The following ELK4 variants were observed in gnomAD, a reference collection of about 807,000 sequenced individuals.
ELK4 encodes ETS transcription factor ELK4.
A neutral mutation model predicts 29.6 loss-of-function variants in ELK4; 16 were observed. The ratio of observed to expected loss-of-function variants is 0.54; its 90% CI spans 0.37 to 0.82. The LOEUF (loss-of-function observed/expected upper bound fraction) is 0.82, where lower values mean the gene tolerates loss of function less well. ELK4 is among the 40% of genes least tolerant of loss of function. ELK4 has a pLI of 0.00. For synonymous variants in ELK4, 213 were observed against 191.1 expected (o/e 1.11, Z -0.95); for missense variants, 465 against 507.1 (o/e 0.92, Z 0.80).
intron 2 of ELK4, 62 bp from the exon 3 acceptor site, chr1:205,620,900 GA>G: frequency 1.3e-6 from 2 of 1,491,826 alleles, no homozygotes; most frequent in Non-Finnish European, 1.8e-6. Context: ...CATAGTTCAT[GA>G]AAAAGCTGGC....
chr1:205,630,595 T>C (rs1409641177), intron 1 of ELK4, among the ~76,000 whole-genome samples: 1 of 152,228 alleles, frequency 6.6e-6, no homozygotes, highest in Non-Finnish European at 1.5e-5. Context: ...CGTTTTTAAC[T>C]ACACAGGCTC....
chr1:205,626,585 T>G (rs1670468665), intron 1 of ELK4, among the ~76,000 whole-genome samples: 1 of 151,920 alleles, frequency 6.6e-6, no homozygotes, highest in Non-Finnish European at 1.5e-5. Context: ...AAAAAAATGC[T>G]CTACATAATT....
intron 1 of ELK4, 87 bp from the exon 2 acceptor site, chr1:205,623,978 A>G (rs1322310025): frequency 1.7e-6 from 2 of 1,207,728 alleles, no homozygotes; most frequent in African/African-American, 3.0e-5. Flanking sequence ...TAAGTGCTCT[A>G]AATGTATTAA....
chr1:205,610,956 A>G lies in ELK4; in HGVS notation c.*5590T>C, dbSNP rs531930812. On this transcript the variant is annotated 3_prime_UTR_variant, in exon 5 of 5. Coordinates refer to ENST00000357992, the MANE Select transcript of ELK4 (RefSeq NM_001973.4). ...TGATGTGGACTATACTCAAATGATTAGCACTCAAGAGATTAACTATGTTTG... is the reference window on the plus strand; with the variant it reads ...TGATGTGGACTATACTCAAATGATTGGCACTCAAGAGATTAACTATGTTTG... 1 of 226,052 alleles carries G rather than the reference A, an allele frequency of 4.4e-6. No homozygotes were observed. The highest frequency in any genetic ancestry group is 1.8e-4 in the South Asian group (1 of 5,466). 14.0% of individuals were successfully genotyped at this position (226,052 alleles called of 1,614,324 possible).
intron 3 of ELK4, chr1:205,619,552 T>C: frequency 2.6e-6 from 3 of 1,144,948 alleles, no homozygotes; most frequent in Non-Finnish European, 3.2e-6. Context: ...ATAGCTAAAG[T>C]AACTGTACCA....
At position 205,618,954 on chromosome 1, in the gene ELK4, T is replaced by C; in HGVS notation, c.1197+3A>G. 2 of 1,597,958 alleles carry C rather than the reference T, an allele frequency of 1.3e-6. No individual in the cohort carries two copies. Among genetic ancestry groups the C allele is most frequent in the Non-Finnish European group, 1.7e-6 (2 of 1,170,468 alleles). ...TACAGAAGACAGATATTTATAAAATTACCTGGAAAAGTGTGTTAGCACCTT... is the reference window on the plus strand; with the variant it reads ...TACAGAAGACAGATATTTATAAAATCACCTGGAAAAGTGTGTTAGCACCTT... On this transcript the variant is annotated splice_donor_region_variant and intron_variant, in intron 4 of 4. Transcript: ENST00000357992.
In ELK4 at chr1:205,631,162, AAG is replaced by A. The variant is rs1670576401; in HGVS notation, c.-10+468_-10+469del. ...GGGGGCCGCTGGAGCGAAAGAGAAA[AAG>A]AAATGAAACTCGACACCGGATGACT... On this transcript the variant is annotated intron_variant, in intron 1 of 4. Coordinates refer to ENST00000357992, the MANE Select transcript of ELK4 (RefSeq NM_001973.4). 3.3e-5 allele frequency among the ~76,000 whole-genome samples: 5 copies of A among 152,270 alleles called. No homozygotes were observed. The South Asian group carries it at 1.0e-3, about 32-fold the overall frequency.
chr1:205,629,578 G>A (rs1036836129), intron 1 of ELK4, among the ~76,000 whole-genome samples: 2 of 152,064 alleles, frequency 1.3e-5, no homozygotes. Flanking sequence ...TTACCTGGGC[G>A]TGGTGGTGGG....
rs1239971872 is a variant in ELK4, at chr1:205,631,848, T to TCCCCGCCCC, written c.-235_-227dup. On this transcript the variant is annotated 5_prime_UTR_variant, in exon 1 of 5. Coordinates refer to ENST00000357992, the MANE Select transcript of ELK4 (RefSeq NM_001973.4). ...CGCCGCGGCTCCTGGCGCCCCGCCC[T>TCCCCGCCCC]CCCCGCCCCCGCACGCGGCAGCGGC... 1.4e-5 allele frequency: 2 copies of TCCCCGCCCC among 146,378 alleles called. No homozygotes were observed. The highest frequency in any genetic ancestry group is 3.0e-5 in the Non-Finnish European group (2 of 66,338). 9.1% of individuals were successfully genotyped at this position (146,378 alleles called of 1,614,324 possible).
chr1:205,616,827 T>C (rs373299694), intron 4 of ELK4, among the ~76,000 whole-genome samples, 183 bp from the exon 5 acceptor site: 45 of 152,356 alleles, frequency 3.0e-4, no homozygotes, highest in African/African-American at 1.1e-3. Context: ...AAAAATCTTT[T>C]GTCCTAACAT....
Position 205,616,455 on chromosome 1 carries a change from T to C in ELK4, c.*91A>G, listed in dbSNP as rs1010360579. ...AAATCACAATAGTCTATTATCAGCA[T>C]TGTAGAACTATCAATTGCTCACTTC... On this transcript the variant is annotated 3_prime_UTR_variant, in exon 5 of 5. Coordinates refer to ENST00000357992, the MANE Select transcript of ELK4 (RefSeq NM_001973.4). 8.6e-7 allele frequency: 1 copy of C among 1,156,972 alleles called. No individual in the cohort carries two copies. The highest frequency in any genetic ancestry group is 1.3e-5 in the South Asian group (1 of 76,266). 71.7% of individuals were successfully genotyped at this position (1,156,972 alleles called of 1,614,324 possible).
At chr1:205,629,984 GAC>G (rs1044270969) in intron 1 of ELK4, among the ~76,000 whole-genome samples, 39 of 151,786 alleles carry the variant, frequency 2.6e-4, no homozygotes, top group African/African-American at 9.5e-4. Flanking sequence ...GCAGTGAGCA[GAC>G]ACCACATCAC....
intron 2 of ELK4, 122 bp from the exon 3 acceptor site, chr1:205,620,960 G>C: frequency 9.1e-7 from 1 of 1,095,334 alleles, no homozygotes; most frequent in South Asian, 1.7e-5. Flanking sequence ...ACTTTGGAAG[G>C]CCGAGGAGGG....
In ELK4 at chr1:205,620,234, G is replaced by T. The variant is rs1471586681; in HGVS notation, c.812C>A (p.Pro271Gln). The change falls in exon 3 of 5, where the codon CCA becomes CAA. Residue 271 changes from proline (P) to glutamine (Q), a missense_variant. Around this residue, in one of 2 missense-constraint regions of ELK4, gnomAD observed 385 missense variants for 387.5 expected, o/e 0.99. Transcript: ENST00000357992. The stretch of plus-strand genomic sequence containing the variant: ...GTCGATGTCTGGGTGAGAACTCAGT[G>T]GTGGTGAAGGTGTTCTGGGAGGTTC... Reference protein sequence around the residue: ...LQEPPRTPSPPLSSHPDIDTD... With the variant: ...LQEPPRTPSPQLSSHPDIDTD... The T allele has an allele frequency of 1.2e-6, 2 of 1,614,230 alleles. No homozygotes were observed. Among genetic ancestry groups the T allele is most frequent in the East Asian group, 4.5e-5 (2 of 44,888 alleles).
At position 205,628,763 on chromosome 1, in the gene ELK4, A is replaced by G. The variant is rs535326635; in HGVS notation, c.-10+2869T>C. The stretch of plus-strand genomic sequence containing the variant: ...TCAGTGGAGCAGCATGTATTTAGTC[A>G]AACACTGGTGAGCTGTTGGCTGCTT... On this transcript the variant is annotated intron_variant, in intron 1 of 4. Transcript: ENST00000357992. 2.0e-5 allele frequency among the ~76,000 whole-genome samples: 3 copies of G among 152,308 alleles called. No homozygotes were observed. The East Asian group carries it at 5.8e-4, about 29-fold the overall frequency.
chr1:205,625,489 T>C (rs12048882), intron 1 of ELK4: 84,479 of 697,182 alleles, frequency 0.12, 6,688 homozygotes, highest in East Asian at 0.32. Flanking sequence ...CAGGATGAAA[T>C]TCGTGTACAA....
Position 205,620,141 on chromosome 1 carries a change from T to A in ELK4, c.905A>T (p.Asp302Val). The A allele has an allele frequency of 6.2e-7, 1 of 1,614,226 alleles. No homozygotes were observed. The highest frequency in any genetic ancestry group is 8.5e-7 in the Non-Finnish European group (1 of 1,180,042). The change falls in exon 3 of 5, where the codon GAC becomes GTC. Residue 302 changes from aspartate (D) to valine (V), a missense_variant. Asp to Val is a radical substitution (Grantham distance 152, BLOSUM62 -3). Transcript: ENST00000357992. ...LPENLSLEPK[D>V]QDSVLLEKDK... ...CTTTTCTAGCAAGACTGAATCCTGG[T>A]CTTTAGGCTCCAGTGACAAATTCTC...
In ELK4 at chr1:205,620,505, G is replaced by A; in HGVS notation, c.541C>T (p.Pro181Ser). ...ATGACAGATGGTGTGGGCTCCTGAG[G>A]AGATTTTTTCTCTGCCAGTTTCTCG... ...PAEKLAEKKS[P>S]QEPTPSVIKF... Residue 181 changes from proline (P) to serine (S), a missense_variant, in exon 3 of 5, where the codon CCT becomes TCT. Physicochemically the swap from Pro to Ser is moderately conservative, Grantham distance 74. This residue lies in a region of ELK4 where 385 missense variants were observed against 387.5 expected (regional missense o/e 0.99). Coordinates refer to ENST00000357992, the MANE Select transcript of ELK4 (RefSeq NM_001973.4). 6.2e-7 allele frequency: 1 copy of A among 1,614,184 alleles called. No homozygotes were observed. Among genetic ancestry groups the A allele is most frequent in the Non-Finnish European group, 8.5e-7 (1 of 1,180,020 alleles).
chr1:205,622,286 T>C (rs1350348259), intron 2 of ELK4, among the ~76,000 whole-genome samples: 1 of 152,230 alleles, frequency 6.6e-6, no homozygotes, highest in Admixed American at 6.5e-5. Flanking sequence ...ACTCTGTGTA[T>C]AAACAGCTAC....
Sources: gnomAD v4.1 joint callset for allele counts (sites outside exome capture counted in the v4.1 genomes callset) on GRCh38, gnomAD v4.1.1 for gene constraint, gnomAD v4.1.1 regional missense constraint, MANE v1.5 for transcripts, NCBI Gene and HGNC (gene_info 2026-07-23, HGNC 2026-07-21) for gene names.